The following CDCP1 variants were observed in gnomAD, a reference collection of about 807,000 sequenced individuals.
CDCP1 encodes the protein CUB domain-containing protein 1.
A neutral mutation model predicts 60.2 loss-of-function variants in CDCP1; 29 were observed. The ratio of observed to expected loss-of-function variants is 0.48; its 90% CI spans 0.36 to 0.66. The LOEUF is 0.66. Among genes scored for constraint, CDCP1 ranks in the 30% least tolerant of loss-of-function variants. CDCP1 has a pLI of 0.00. For synonymous variants in CDCP1, 387 were observed against 431.1 expected, an observed-to-expected ratio of 0.90 and a Z score of 1.27; for missense variants, 876 against 1,074.3, an observed-to-expected ratio of 0.82 and a Z score of 2.58.
chr3:45,105,991 G>A (rs1698559172), intron 4 of CDCP1, among the ~76,000 whole-genome samples: 2 of 152,244 alleles, frequency 1.3e-5, no homozygotes, highest in Middle Eastern at 3.4e-3. Flanking sequence ...ATGTGGTCAC[G>A]GATGGCCACA....
intron 1 of CDCP1, among the ~76,000 whole-genome samples, chr3:45,125,692 G>T (rs1002366213): frequency 1.3e-5 from 2 of 152,206 alleles, no homozygotes; most frequent in Non-Finnish European, 2.9e-5. Flanking sequence ...TACAGTCCTG[G>T]CTGGCTGGGT....
At chr3:45,103,821 G>A (rs971475231) in intron 4 of CDCP1, among the ~76,000 whole-genome samples, 3 of 152,186 alleles carry the variant, frequency 2.0e-5, no homozygotes, top group South Asian at 2.1e-4. Context: ...GCAGATGCTG[G>A]TGCCATGCTT....
rs577914205 is a variant in CDCP1, at chr3:45,135,168, T to G, written c.82+11038A>C. Among the ~76,000 whole-genome samples the G allele has an allele frequency of 1.6e-4, 24 of 148,902 alleles. No individual in the cohort carries two copies. In the South Asian group the frequency reaches 4.6e-3, roughly 28 times the overall value. On this transcript the variant is annotated intron_variant, in intron 1 of 8. Coordinates refer to ENST00000296129, the MANE Select transcript of CDCP1 (RefSeq NM_022842.5). ...ATTGGCAACAAGACAGTGTCAATGT[T>G]GGGACCAGCCAGTGATCTTAAGATG... is the stretch of plus-strand genomic sequence containing the variant.
In CDCP1 at chr3:45,112,245, C is replaced by A; in HGVS notation, c.493G>T (p.Gly165Cys). The stretch of plus-strand genomic sequence containing the variant: ...CTGACCACGGTGGCATCGATTCGGC[C>A]GCTGATGGAGTGAGTGACTCCGTCT... The part of the protein sequence containing the change: ...CPDGVTHSIS[G>C]RIDATVVRIG... The change falls in exon 3 of 9, where the codon GGC (glycine) becomes TGC (cysteine). Residue 165 changes from glycine to cysteine, a missense_variant. Coordinates refer to ENST00000296129, the MANE Select transcript of CDCP1 (RefSeq NM_022842.5). 1 of 1,614,154 alleles carries A rather than the reference C, an allele frequency of 6.2e-7. No individual in the cohort carries two copies. Among genetic ancestry groups the A allele is most frequent in the Non-Finnish European group, 8.5e-7 (1 of 1,180,024 alleles).
intron 1 of CDCP1, among the ~76,000 whole-genome samples, chr3:45,123,681 C>CAATAAAA (rs1576109929): frequency 6.6e-6 from 1 of 152,150 alleles, no homozygotes; most frequent in East Asian, 1.9e-4. Flanking sequence ...TATTTCGCTG[C>CAATAAAA]AATAAAAACA....
Position 45,111,282 on chromosome 3 carries a change from C to T in CDCP1, c.656-441G>A, listed in dbSNP as rs560589613. On this transcript the variant is annotated intron_variant, in intron 3 of 8. Transcript: ENST00000296129. ...AGTGATGAGTTTTGAGTATTTATTACCTTTGTTTTAAAAATAATTTATTTA... is the reference window on the plus strand; with the variant it reads ...AGTGATGAGTTTTGAGTATTTATTATCTTTGTTTTAAAAATAATTTATTTA... Among the ~76,000 whole-genome samples, 256 of 152,264 alleles carry T rather than the reference C, an allele frequency of 1.7e-3. 1 individual carries two copies. The highest frequency in any genetic ancestry group is 3.3e-3 in the Non-Finnish European group (222 of 68,000).
chr3:45,138,770 C>T (rs780993426), intron 1 of CDCP1, among the ~76,000 whole-genome samples: 18 of 152,102 alleles, frequency 1.2e-4, no homozygotes, highest in Non-Finnish European at 2.4e-4. Flanking sequence ...AACTGCTTCC[C>T]AGGAGGTGGA....
chr3:45,093,629 C>T lies in CDCP1; in HGVS notation c.1275G>A (p.Arg425=). Residue 425 remains arginine (R), a synonymous_variant, in exon 6 of 9, where the codon AGG becomes AGA. Transcript: ENST00000296129. The part of the protein sequence containing the change: ...ISCTDHRYCQ[R]KSYSLQVPSD... ...TGGGCACCTGGAGTGAGTAGGATTT[C>T]CTTTGGCAGTACCGGTGGTCTGTGC... is the stretch of plus-strand genomic sequence containing the variant. The T allele has an allele frequency of 6.2e-7, 1 of 1,613,688 alleles. No homozygotes were observed.
intron 5 of CDCP1, 45 bp downstream of exon 5, chr3:45,095,302 G>T: frequency 6.4e-7 from 1 of 1,558,124 alleles, no homozygotes; most frequent in South Asian, 1.1e-5. Flanking sequence ...GGGGAGAGAA[G>T]AGCTATCCAT....
intron 1 of CDCP1, among the ~76,000 whole-genome samples, chr3:45,134,959 A>G (rs1163234654): frequency 1.3e-5 from 2 of 152,228 alleles, no homozygotes; most frequent in Admixed American, 6.5e-5. Context: ...AGAAGATACT[A>G]TATCAACAAG....
intron 1 of CDCP1, among the ~76,000 whole-genome samples, chr3:45,126,322 T>C (rs932839368): frequency 1.3e-5 from 2 of 151,710 alleles, no homozygotes; most frequent in African/African-American, 4.9e-5. Context: ...TCTTATTAAG[T>C]GAATGCAGTT....
chr3:45,135,280 C>T (rs1232448006), intron 1 of CDCP1, among the ~76,000 whole-genome samples: 2 of 148,120 alleles, frequency 1.4e-5, no homozygotes, highest in Non-Finnish European at 3.0e-5. Context: ...CTCCAAAGCA[C>T]ATTGTGTGGG....
At chr3:45,097,071 GCTGAGGCGGGTGGATCA>G (rs930083195) in intron 4 of CDCP1, among the ~76,000 whole-genome samples, 1 of 152,156 alleles carries the variant, frequency 6.6e-6, no homozygotes, top group African/African-American at 2.4e-5. Flanking sequence ...ACTTTCAGAG[GCTGAGGCGGGTGGATCA>G]CTTGAGGTCA....
In CDCP1 at chr3:45,091,225, G is replaced by A. The variant is rs144886071; in HGVS notation, c.1941C>T (p.Ser647=). ...AGAAGAGCAGGTCTAGCTGCTTGCC[G>A]CTCGTGGGGCTGCAGTTAGAGATGT... ...WVNISNCSPT[S]GKQLDLLFSV... The change falls in exon 7 of 9, where the codon AGC becomes AGT. Residue 647 remains serine (S), a synonymous_variant. Coordinates refer to ENST00000296129, the MANE Select transcript of CDCP1 (RefSeq NM_022842.5). The surrounding 1 kb of genome is among the most constrained non-coding windows in gnomAD (Gnocchi z 4.8). 1.3e-4 allele frequency: 213 copies of A among 1,613,666 alleles called. 2 individuals carry two copies. The African/African-American group carries it at 1.4e-3, about 11-fold the overall frequency.
At chr3:45,126,251 T>TTC (rs140448669) in intron 1 of CDCP1, among the ~76,000 whole-genome samples, 12,091 of 143,208 alleles carry the variant, frequency 0.084, 1,410 homozygotes, top group African/African-American at 0.25. Flanking sequence ...TCCTTCCTTC[T>TTC]TCTCTCTCTC....
Position 45,089,731 on chromosome 3 carries a change from T to C in CDCP1, c.1994-590A>G, listed in dbSNP as rs1023731263. 1.7e-4 allele frequency among the ~76,000 whole-genome samples: 26 copies of C among 152,180 alleles called. 1 individual carries two copies. The highest frequency in any genetic ancestry group is 3.4e-3 in the Middle Eastern group (1 of 294). ...GTAGTTTGTATATAGCAATGAACAA[T>C]TGAAACAAACTGAGGGACCTACCAG... On this transcript the variant is annotated intron_variant, in intron 7 of 8. Coordinates refer to ENST00000296129, the MANE Select transcript of CDCP1 (RefSeq NM_022842.5).
chr3:45,112,548 C>T, intron 2 of CDCP1, 103 bp from the exon 3 acceptor site: 1 of 1,494,788 alleles, frequency 6.7e-7, no homozygotes, highest in South Asian at 1.3e-5. Flanking sequence ...TTTGGGGCTC[C>T]CCCAAGGTGG....
chr3:45,120,596 G>A (rs1698865989), intron 1 of CDCP1, among the ~76,000 whole-genome samples: 1 of 152,102 alleles, frequency 6.6e-6, no homozygotes. Context: ...ATATCTCTCT[G>A]GGCACCAGGG....
intron 1 of CDCP1, among the ~76,000 whole-genome samples, chr3:45,142,637 C>T (rs1699310310): frequency 6.6e-6 from 1 of 152,186 alleles, no homozygotes; most frequent in Admixed American, 6.5e-5. Context: ...CATCCAAAGC[C>T]CTAAGAACCT....
Sources: gnomAD v4.1 joint callset for allele counts (sites outside exome capture counted in the v4.1 genomes callset) on GRCh38, gnomAD v4.1.1 for gene constraint, Gnocchi (gnomAD v3.1) non-coding constraint, MANE v1.5 for transcripts, NCBI Gene and HGNC (gene_info 2026-07-23, HGNC 2026-07-21) for gene names.